The following SLC9A9 variants were observed in gnomAD, a reference collection of about 807,000 sequenced individuals.
SLC9A9 encodes the protein solute carrier family 9 member A9.
Under a neutral mutation model 77.8 loss-of-function variants are expected in SLC9A9, and 62 were observed. That is an observed-to-expected ratio of 0.80 (90% CI 0.65 to 0.98). The LOEUF (loss-of-function observed/expected upper bound fraction) is 0.98. SLC9A9 is among the 50% of genes least tolerant of loss of function. The pLI is 0.00. For synonymous variants in SLC9A9, 320 were observed against 283.5 expected (o/e 1.13, Z -1.29); for missense variants, 775 against 774.9 (o/e 1.00, Z 0.00).
At chr3:143,650,452 A>T (rs1351589189) in intron 6 of SLC9A9, among the ~76,000 whole-genome samples, 7 of 152,216 alleles carry the variant, frequency 4.6e-5, no homozygotes, top group Non-Finnish European at 1.0e-4. Context: ...GCACATGGAA[A>T]TGTGCAAAAA....
chr3:143,685,891 G>T (rs1401345930), intron 5 of SLC9A9, among the ~76,000 whole-genome samples: 1 of 152,136 alleles, frequency 6.6e-6, no homozygotes, highest in African/African-American at 2.4e-5. Flanking sequence ...ATAAACAGAA[G>T]AAAGAAATAT....
intron 6 of SLC9A9, among the ~76,000 whole-genome samples, chr3:143,602,104 T>C (rs1446955654): frequency 6.6e-6 from 1 of 152,180 alleles, no homozygotes; most frequent in African/African-American, 2.4e-5. Flanking sequence ...TTCCTACAGG[T>C]TTTATTTGTC....
chr3:143,757,525 C>T (rs1046253745), intron 4 of SLC9A9, among the ~76,000 whole-genome samples: 2 of 152,098 alleles, frequency 1.3e-5, no homozygotes, highest in Non-Finnish European at 2.9e-5. Flanking sequence ...TGGAGTACAA[C>T]AAATTTTTTT....
intron 13 of SLC9A9, among the ~76,000 whole-genome samples, chr3:143,378,514 C>T (rs2033232491): frequency 6.6e-6 from 1 of 152,136 alleles, no homozygotes; most frequent in African/African-American, 2.4e-5. Context: ...TAGTGCCCAA[C>T]GAATATGGGA....
intron 9 of SLC9A9, among the ~76,000 whole-genome samples, chr3:143,550,482 C>T (rs563198268): frequency 1.4e-4 from 21 of 152,082 alleles, no homozygotes; most frequent in Admixed American, 3.3e-4. Flanking sequence ...TTTCCTTGAC[C>T]AATGAGATAT....
At chr3:143,524,731 G>A (rs940457498) in intron 9 of SLC9A9, among the ~76,000 whole-genome samples, 1 of 152,160 alleles carries the variant, frequency 6.6e-6, no homozygotes. Flanking sequence ...TTGAGACTTG[G>A]TTCCCAGTGA....
Position 143,558,648 on chromosome 3 carries a change from T to C in SLC9A9, c.1001-6198A>G, listed in dbSNP as rs371481083. On this transcript the variant is annotated intron_variant, in intron 8 of 15. Transcript: ENST00000316549. ...CCTTTGTTTTGGCCAATTTCTCCTATTTGGAATGCAATGCCTGTACCCTCA... is the reference window on the plus strand; with the variant it reads ...CCTTTGTTTTGGCCAATTTCTCCTACTTGGAATGCAATGCCTGTACCCTCA... 2.6e-4 allele frequency among the ~76,000 whole-genome samples: 40 copies of C among 152,290 alleles called. 1 individual carries two copies. The East Asian group carries it at 6.4e-3, about 24-fold the overall frequency.
chr3:143,284,543 T>C (rs1226466644), intron 14 of SLC9A9, among the ~76,000 whole-genome samples: 1 of 152,028 alleles, frequency 6.6e-6, no homozygotes, highest in Non-Finnish European at 1.5e-5. Flanking sequence ...ATCCCACTAC[T>C]ACCGTAGTGG....
intron 9 of SLC9A9, among the ~76,000 whole-genome samples, chr3:143,497,188 T>C (rs1189456981): frequency 6.6e-6 from 1 of 152,154 alleles, no homozygotes; most frequent in African/African-American, 2.4e-5. Flanking sequence ...AATGTCAAGG[T>C]TAAATTTGTA....
chr3:143,451,921 G>C (rs1464990639), intron 12 of SLC9A9, among the ~76,000 whole-genome samples: 1 of 151,922 alleles, frequency 6.6e-6, no homozygotes, highest in African/African-American at 2.4e-5. Context: ...GTAAGGCCTT[G>C]ATTACAAAAA....
rs183689310 is a variant in SLC9A9 at position 143,355,477 on chromosome 3, A to G, written c.1604+8007T>C. Among the ~76,000 whole-genome samples, 57 of 152,352 alleles carry G rather than the reference A, an allele frequency of 3.7e-4. No homozygotes were observed. In the South Asian group the frequency reaches 7.0e-3, roughly 19 times the overall value. On this transcript the variant is annotated intron_variant, in intron 14 of 15. Transcript: ENST00000316549. ...TTTTTCAGATGAGCGATGGAGACAC[A>G]GAATGGTTAAATAACTTTCCTAAAA...
chr3:143,581,009 C>T (rs755816334), intron 6 of SLC9A9, among the ~76,000 whole-genome samples: 12 of 152,200 alleles, frequency 7.9e-5, no homozygotes, highest in Non-Finnish European at 1.5e-4. Context: ...ATATGCAAAG[C>T]ATAACTCGGC....
At chr3:143,746,052 C>T (rs1020023623) in intron 4 of SLC9A9, among the ~76,000 whole-genome samples, 2 of 152,186 alleles carry the variant, frequency 1.3e-5, no homozygotes, top group Non-Finnish European at 2.9e-5. Flanking sequence ...AAATGGCGAG[C>T]ATAGGCCAAA....
intron 13 of SLC9A9, among the ~76,000 whole-genome samples, chr3:143,367,906 C>A (rs1328916504): frequency 6.6e-6 from 1 of 151,966 alleles, no homozygotes; most frequent in African/African-American, 2.4e-5. Flanking sequence ...AACTGAAGAC[C>A]AAGATTTGAG....
rs377731030 is a variant in SLC9A9, at chr3:143,745,450, C to A, written c.533+49551G>T. Among the ~76,000 whole-genome samples, 10 of 152,260 alleles carry A rather than the reference C, an allele frequency of 6.6e-5. No individual in the cohort carries two copies. In the East Asian group the frequency reaches 1.9e-3, roughly 29 times the overall value. On this transcript the variant is annotated intron_variant, in intron 4 of 15. Coordinates refer to ENST00000316549, the MANE Select transcript of SLC9A9 (RefSeq NM_173653.4). ...TATTTTTTAAGGTTCATTTTTACTCCTATGTCATAATTCTAGCTCAGCCTA... is the reference window on the plus strand; with the variant it reads ...TATTTTTTAAGGTTCATTTTTACTCATATGTCATAATTCTAGCTCAGCCTA...
At chr3:143,502,720 A>G (rs1208577021) in intron 9 of SLC9A9, among the ~76,000 whole-genome samples, 1 of 152,170 alleles carries the variant, frequency 6.6e-6, no homozygotes, top group African/African-American at 2.4e-5. Flanking sequence ...CTACTTGTCT[A>G]TGAAAGGCAC....
chr3:143,564,413 A>G (rs2037135613), intron 8 of SLC9A9, among the ~76,000 whole-genome samples: 1 of 152,180 alleles, frequency 6.6e-6, no homozygotes, highest in African/African-American at 2.4e-5. Flanking sequence ...AGAACACAGA[A>G]AGAGAATGAA....
chr3:143,320,407 T>C (rs1200488473), intron 14 of SLC9A9, among the ~76,000 whole-genome samples: 2 of 152,224 alleles, frequency 1.3e-5, no homozygotes, highest in South Asian at 2.1e-4. Context: ...AAGAAATACC[T>C]GAGGCTGGGT....
intron 4 of SLC9A9, among the ~76,000 whole-genome samples, chr3:143,711,160 A>T (rs565823624): frequency 3.3e-5 from 5 of 152,266 alleles, no homozygotes; most frequent in African/African-American, 1.2e-4. Context: ...TATTTTTGAA[A>T]CCTTTTAAAT....
Sources: allele counts gnomAD v4.1 joint callset (sites outside exome capture counted in the v4.1 genomes callset), GRCh38; gene constraint gnomAD v4.1.1; transcripts MANE v1.5; gene names NCBI Gene and HGNC (gene_info 2026-07-23, HGNC 2026-07-21).